Variants in ARHGAP15 observed in about 807,000 individuals in gnomAD.
ARHGAP15 encodes the protein rho GTPase-activating protein 15.
In ARHGAP15, 51 loss-of-function variants were observed where a neutral mutation model predicts 63.7. The observed-to-expected ratio is 0.80, with a 90% CI of 0.64 to 1.01. ARHGAP15 has a LOEUF of 1.01. Among genes scored for constraint, ARHGAP15 ranks in the 50% least tolerant of loss-of-function variants. The pLI is 0.00. For synonymous variants in ARHGAP15, 191 were observed against 193.8 expected (o/e 0.99, Z 0.12); for missense variants, 560 against 564.6 (o/e 0.99, Z 0.08).
chr2:143,564,212 G>A (rs1402568090), intron 11 of ARHGAP15: 1 of 152,204 alleles, frequency 6.6e-6, no homozygotes, highest in African/African-American at 2.4e-5. Flanking sequence ...TATTAGTACA[G>A]CAGAAGTTTT....
chr2:143,594,599 T>G (rs1357624547), intron 11 of ARHGAP15, among the ~76,000 whole-genome samples: 1 of 152,154 alleles, frequency 6.6e-6, no homozygotes, highest in Non-Finnish European at 1.5e-5. Flanking sequence ...TCAGCTTTGA[T>G]TGATGAAGGA....
intron 12 of ARHGAP15, among the ~76,000 whole-genome samples, chr2:143,666,756 T>A (rs539107413): frequency 1.4e-5 from 2 of 142,866 alleles, no homozygotes; most frequent in African/African-American, 5.4e-5. Context: ...GAAAGTGGGC[T>A]AAGGACATGA....
chr2:143,338,551 A>T (rs2105279604), intron 6 of ARHGAP15, among the ~76,000 whole-genome samples: 1 of 152,304 alleles, frequency 6.6e-6, no homozygotes, highest in African/African-American at 2.4e-5. Context: ...GATGGGAAGT[A>T]GGAGATGAAA....
In ARHGAP15 at chr2:143,572,381, C is replaced by CT. The variant is rs1574650010; in HGVS notation, c.1003+15897dup. ...AGCCCACTTTCTCCATAGTCATACT[C>CT]TATGCACACAGCCATCTTCCCCATT... On this transcript the variant is annotated intron_variant, in intron 11 of 13. Transcript: ENST00000295095. Among the ~76,000 whole-genome samples the CT allele has an allele frequency of 2.0e-5, 3 of 152,148 alleles. No individual in the cohort carries two copies. In the East Asian group the frequency reaches 5.8e-4, roughly 29 times the overall value.
chr2:143,355,946 T>A (rs181948493), intron 6 of ARHGAP15, among the ~76,000 whole-genome samples: 9 of 152,178 alleles, frequency 5.9e-5, no homozygotes, highest in Non-Finnish European at 1.5e-5. Flanking sequence ...AAAATGAACC[T>A]TTCCCCTTTA....
At chr2:143,383,374 G>A (rs1687138797) in intron 6 of ARHGAP15, among the ~76,000 whole-genome samples, 1 of 152,096 alleles carries the variant, frequency 6.6e-6, no homozygotes, top group South Asian at 2.1e-4. Context: ...TTATTTGAAT[G>A]TATCTTTAAG....
At chr2:143,581,762 G>A (rs189669326) in intron 11 of ARHGAP15, among the ~76,000 whole-genome samples, 9 of 152,244 alleles carry the variant, frequency 5.9e-5, no homozygotes, top group East Asian at 5.8e-4. Flanking sequence ...ACATTCTGTC[G>A]CTATTCTCCG....
chr2:143,494,843 C>G, intron 9 of ARHGAP15, among the ~76,000 whole-genome samples: 1 of 152,166 alleles, frequency 6.6e-6, no homozygotes, highest in East Asian at 1.9e-4. Flanking sequence ...TCAAAGGATA[C>G]AGAATGCTTT....
At chr2:143,713,056 C>CTAA in intron 13 of ARHGAP15, among the ~76,000 whole-genome samples, 1 of 152,282 alleles carries the variant, frequency 6.6e-6, no homozygotes, top group East Asian at 1.9e-4. Flanking sequence ...AGATGATAAT[C>CTAA]TAATAGCCAG....
rs10671306 is a variant in ARHGAP15 at position 143,445,153 on chromosome 2, A to ATTTTTTTTTTTTT, written c.703+8124_703+8136dup. 3.0e-4 allele frequency among the ~76,000 whole-genome samples: 22 copies of ATTTTTTTTTTTTT among 74,448 alleles called. 1 individual carries two copies. The highest frequency in any genetic ancestry group is 5.9e-4 in the African/African-American group (11 of 18,500). The allele number at this position is 74,448 out of a possible 152,430, so 48.8% of individuals were successfully genotyped here. ...TTGAAGTCAAAGATTAAGAACAATT[A>ATTTTTTTTTTTTT]TTTTTTTTTTTTTTTTTTTTTTTTT... On this transcript the variant is annotated intron_variant, in intron 8 of 13. Transcript: ENST00000295095.
chr2:143,642,138 G>A (rs370308598), intron 12 of ARHGAP15, among the ~76,000 whole-genome samples: 1 of 152,100 alleles, frequency 6.6e-6, no homozygotes, highest in Non-Finnish European at 1.5e-5. Context: ...ATATTTATAT[G>A]TAGAGAAAAG....
intron 6 of ARHGAP15, among the ~76,000 whole-genome samples, chr2:143,337,010 C>T (rs1045380456): frequency 1.3e-5 from 2 of 151,702 alleles, no homozygotes; most frequent in Non-Finnish European, 2.9e-5. Flanking sequence ...TGCAGTGTTT[C>T]AGGAGGTGGA....
intron 12 of ARHGAP15, among the ~76,000 whole-genome samples, chr2:143,678,603 C>G (rs1321740670): frequency 6.6e-6 from 1 of 152,162 alleles, no homozygotes; most frequent in African/African-American, 2.4e-5. Context: ...AATTCCTCTG[C>G]ATCATAGTTT....
intron 1 of ARHGAP15, among the ~76,000 whole-genome samples, chr2:143,134,960 C>G (rs1287788544): frequency 6.6e-6 from 1 of 152,012 alleles, no homozygotes; most frequent in South Asian, 2.1e-4. Flanking sequence ...TTTTCTAAAG[C>G]TTGAAATAGA....
At chr2:143,140,611 A>T (rs768118914) in intron 1 of ARHGAP15, among the ~76,000 whole-genome samples, 27 of 152,274 alleles carry the variant, frequency 1.8e-4, no homozygotes, top group Non-Finnish European at 3.5e-4. Context: ...AAGGGAACAT[A>T]TAAAAGGAAA....
intron 5 of ARHGAP15, 87 bp from the exon 6 acceptor site, chr2:143,250,424 A>G (rs1340544003): frequency 1.0e-6 from 1 of 995,208 alleles, no homozygotes; most frequent in African/African-American, 1.7e-5. Context: ...AAATATGTAT[A>G]GCTGCTAACT....
chr2:143,168,559 A>T (rs904544105), intron 2 of ARHGAP15, among the ~76,000 whole-genome samples: 1 of 152,054 alleles, frequency 6.6e-6, no homozygotes. Context: ...AAAAGTAACC[A>T]TGGTTTTCTG....
chr2:143,249,469 A>C (rs1439296235), intron 5 of ARHGAP15, among the ~76,000 whole-genome samples: 1 of 152,180 alleles, frequency 6.6e-6, no homozygotes, highest in Non-Finnish European at 1.5e-5. Context: ...CCTAATGTTC[A>C]TAATGTTAAA....
chr2:143,450,007 C>G (rs1053931390), intron 8 of ARHGAP15, among the ~76,000 whole-genome samples: 1 of 151,444 alleles, frequency 6.6e-6, no homozygotes, highest in African/African-American at 2.4e-5. Context: ...CACTTATTTA[C>G]CTTTCTTACT....
Sources: gnomAD v4.1 joint callset for allele counts (sites outside exome capture counted in the v4.1 genomes callset) on GRCh38, gnomAD v4.1.1 for gene constraint, MANE v1.5 for transcripts, NCBI Gene and HGNC (gene_info 2026-07-23, HGNC 2026-07-21) for gene names.